The following TUBGCP4 variants were observed in gnomAD, a reference collection of about 807,000 sequenced individuals.
TUBGCP4 encodes the protein tubulin gamma complex component 4, also known as gamma-tubulin complex component 4.
TUBGCP4 carries 54 observed loss-of-function variants against 91.6 expected under a neutral mutation model. The observed-to-expected ratio is 0.59, with a 90% CI of 0.47 to 0.74. The LOEUF is 0.74. Ranked by LOEUF, TUBGCP4 falls within the 30% of genes least tolerant of loss-of-function variation. The pLI, the probability that TUBGCP4 is intolerant of heterozygous loss-of-function variation, is 0.00. For missense variants in TUBGCP4, 593 were observed against 800.9 expected (o/e 0.74, Z 3.13); for synonymous variants, 297 against 302.8 (o/e 0.98, Z 0.20).
At chr15:43,371,494 CTG>C (rs2044120709) in intron 1 of TUBGCP4, 62 bp downstream of exon 1, 1 of 1,554,752 alleles carries the variant, frequency 6.4e-7, no homozygotes, top group Admixed American at 1.7e-5. Context: ...GAGCCAGCGC[CTG>C]GGGGAGTAGG....
intron 16 of TUBGCP4, 141 bp downstream of exon 16, chr15:43,403,940 T>C (rs1413522492): frequency 9.2e-6 from 6 of 649,286 alleles, no homozygotes; most frequent in African/African-American, 7.6e-5. Context: ...AAGATAAAAA[T>C]GTTGGTATCA....
chr15:43,377,657 C>T, intron 4 of TUBGCP4, 190 bp from the exon 5 acceptor site: 2 of 510,424 alleles, frequency 3.9e-6, no homozygotes, highest in Non-Finnish European at 6.7e-6. Context: ...AACTGCCTCT[C>T]TCTGCCATCC....
intron 6 of TUBGCP4, 23 bp downstream of exon 6, chr15:43,380,186 A>G: frequency 1.2e-6 from 2 of 1,602,358 alleles, no homozygotes; most frequent in Non-Finnish European, 1.7e-6. Flanking sequence ...TTAACTGGGA[A>G]TTGGTGGTGG....
chr15:43,386,056 A>T, intron 8 of TUBGCP4, 100 bp downstream of exon 8: 1 of 1,532,550 alleles, frequency 6.5e-7, no homozygotes. Context: ...GTGGTCGATA[A>T]TATTCCTATC....
chr15:43,379,346 A>G (rs1042930804), intron 5 of TUBGCP4, among the ~76,000 whole-genome samples: 1 of 152,212 alleles, frequency 6.6e-6, no homozygotes, highest in Non-Finnish European at 1.5e-5. Context: ...AAGTGGTAAA[A>G]ATAAAAGTCT....
intron 17 of TUBGCP4, chr15:43,404,976 T>C: frequency 3.6e-6 from 2 of 551,570 alleles, no homozygotes; most frequent in South Asian, 5.3e-5. Flanking sequence ...GGTAGCTGGC[T>C]TCCCAGAGGT....
At chr15:43,394,995 G>A in intron 9 of TUBGCP4, 112 bp from the exon 10 acceptor site, 4 of 1,138,674 alleles carry the variant, frequency 3.5e-6, no homozygotes, top group Non-Finnish European at 5.3e-6. Flanking sequence ...TTTTCTATGT[G>A]GGGCAAGGTA....
chr15:43,371,618 C>G (rs981049264), intron 1 of TUBGCP4, among the ~76,000 whole-genome samples, 186 bp downstream of exon 1: 1 of 152,076 alleles, frequency 6.6e-6, no homozygotes, highest in Non-Finnish European at 1.5e-5. Context: ...GAGGCCGGGC[C>G]TAGGCTAGAA....
chr15:43,403,493 A>C (rs2142894573), intron 15 of TUBGCP4, 190 bp from the exon 16 acceptor site: 1 of 550,948 alleles, frequency 1.8e-6, no homozygotes, highest in East Asian at 3.0e-5. Flanking sequence ...CCAGGAAAGG[A>C]TGCATTTGTT....
At chr15:43,382,153 A>T (rs1205974032) in intron 6 of TUBGCP4, among the ~76,000 whole-genome samples, 2 of 151,954 alleles carry the variant, frequency 1.3e-5, no homozygotes, top group African/African-American at 4.8e-5. Context: ...TCGAAACTGC[A>T]GTGAGCCATG....
At chr15:43,403,973 C>G in intron 16 of TUBGCP4, 174 bp downstream of exon 16, 1 of 578,124 alleles carries the variant, frequency 1.7e-6, no homozygotes, top group Non-Finnish European at 3.0e-6. Context: ...GCAGGTAATA[C>G]TGTGCCACCT....
chr15:43,400,251 G>C, intron 14 of TUBGCP4, 30 bp downstream of exon 14: 1 of 1,597,598 alleles, frequency 6.3e-7, no homozygotes, highest in Non-Finnish European at 8.6e-7. Context: ...TAGAAGGAAG[G>C]GGTACGGAAA....
At chr15:43,391,103 G>T (rs2044460578) in intron 9 of TUBGCP4, among the ~76,000 whole-genome samples, 1 of 150,270 alleles carries the variant, frequency 6.7e-6, no homozygotes, top group African/African-American at 2.5e-5. Flanking sequence ...CTAGTTCACT[G>T]CAGCCTCCAA....
In TUBGCP4 at chr15:43,408,590, G is replaced by C. The variant is rs2045004293; in HGVS notation, c.*3376G>C. The C allele has an allele frequency of 5.6e-6, 2 of 354,728 alleles. No individual in the cohort carries two copies. Among genetic ancestry groups the C allele is most frequent in the Non-Finnish European group, 1.1e-5 (2 of 189,972 alleles). 22.0% of individuals were successfully genotyped at this position (354,728 alleles called of 1,614,324 possible). A position where few individuals can be genotyped will look rare whatever the true frequency, so the allele number is the denominator to read the frequency against. On this transcript the variant is annotated 3_prime_UTR_variant, in exon 18 of 18. Transcript: ENST00000564079. ...ATTTCCATGTTTGTTCTGGGGCTGA[G>C]AATAATCCAAATCATGCTCCTGAGC...
At position 43,383,444 on chromosome 15, in the gene TUBGCP4, C is replaced by T. The variant is rs746301743; in HGVS notation, c.663C>T (p.Asp221=). 9.7e-5 allele frequency: 157 copies of T among 1,613,708 alleles called. No individual in the cohort carries two copies. The highest frequency in any genetic ancestry group is 1.3e-4 in the Non-Finnish European group (152 of 1,179,916). Reference sequence around the variant, plus strand: ...ATGTCAGTGCCCAGCCAGAAGAGGACGAGGAGGATCTGGGCATTGGGGGAC... The same window carrying T: ...ATGTCAGTGCCCAGCCAGAAGAGGATGAGGAGGATCTGGGCATTGGGGGAC... ...SGNVSAQPEE[D]EEDLGIGGLT... is the part of the protein sequence containing the mutation. The change falls in exon 7 of 18, where the codon GAC becomes GAT. Residue 221 remains aspartate, a synonymous_variant. Transcript: ENST00000564079.
chr15:43,397,414 A>G, intron 12 of TUBGCP4, 93 bp downstream of exon 12: 1 of 975,088 alleles, frequency 1.0e-6, no homozygotes, highest in South Asian at 1.3e-5. Context: ...AAACCATATG[A>G]TTTTGGATCT....
At chr15:43,405,175 T>TA (rs1182178350) in intron 17 of TUBGCP4, 27 bp from the exon 18 acceptor site, 1 of 1,613,860 alleles carries the variant, frequency 6.2e-7, no homozygotes. Flanking sequence ...GCATGACACT[T>TA]AATAAGGCTC....
intron 11 of TUBGCP4, 127 bp downstream of exon 11, chr15:43,395,815 C>T (rs544522625): frequency 2.3e-5 from 17 of 739,202 alleles, no homozygotes; most frequent in African/African-American, 2.3e-4. Context: ...CAGTGGCTTC[C>T]AGAGATGGAA....
Position 43,385,917 on chromosome 15 carries a change from C to G in TUBGCP4, c.850C>G (p.Gln284Glu), listed in dbSNP as rs1214379999. Residue 284 changes from glutamine (Q) to glutamate (E), a missense_variant, in exon 8 of 18, where the codon CAG becomes GAG. Transcript: ENST00000564079. ...EKILFVGESVQMFENQNVNLT... is the reference protein window; with the variant it reads ...EKILFVGESVEMFENQNVNLT... ...AATCCTATTTGTTGGAGAATCTGTC[C>G]AGATGTTTGAGAATCAAAATGTGAA... The G allele has an allele frequency of 6.2e-7, 1 of 1,613,896 alleles. No homozygotes were observed. The highest frequency in any genetic ancestry group is 8.5e-7 in the Non-Finnish European group (1 of 1,180,012).
Sources: gnomAD v4.1 joint callset for allele counts (sites outside exome capture counted in the v4.1 genomes callset) on GRCh38, gnomAD v4.1.1 for gene constraint, MANE v1.5 for transcripts, NCBI Gene and HGNC (gene_info 2026-07-23, HGNC 2026-07-21) for gene names.